Variants in FOXJ3 observed in about 807,000 individuals in gnomAD.
FOXJ3 encodes the protein forkhead box J3, also known as forkhead box protein J3.
Under a neutral mutation model 76.1 loss-of-function variants are expected in FOXJ3, and 22 were observed. That is an observed-to-expected ratio of 0.29 (90% CI 0.21 to 0.41). FOXJ3 has a LOEUF of 0.41. FOXJ3 is among the 10% of genes least tolerant of loss of function. The pLI is 1.00. For missense variants in FOXJ3, 613 were observed against 762.1 expected (o/e 0.80, Z 2.30); for synonymous variants, 269 against 261.2 (o/e 1.03, Z -0.29).
rs954087325 is a variant in FOXJ3, at chr1:42,176,735, CT to C, written c.*2974del. 6.5e-5 allele frequency: 10 copies of C among 152,738 alleles called. 1 individual carries two copies. Among genetic ancestry groups the C allele is most frequent in the African/African-American group, 2.4e-4 (10 of 41,550 alleles). The allele number at this position is 152,738 out of a possible 1,614,324, so 9.5% of individuals were successfully genotyped here. On this transcript the variant is annotated 3_prime_UTR_variant, in exon 13 of 13. Transcript: ENST00000361346. Reference sequence around the variant, plus strand: ...AACTGTAGAAACATTAAAACACTGACTGTCCAACAGCAGTACAGAGAGCAGG... The same window carrying C: ...AACTGTAGAAACATTAAAACACTGACGTCCAACAGCAGTACAGAGAGCAGG...
rs768511297 is a variant in FOXJ3 at position 42,182,004 on chromosome 1, T to C, written c.1666A>G (p.Arg556Gly). ...IGTGNLYIDS[R>G]QNLPPSVMPP... ...ATCACTGAAGGAGGGAGATTTTGCC[T>C]AGAATCTATGTACAAATTTCCTAAT... Residue 556 changes from arginine (R) to glycine (G), a missense_variant, in exon 12 of 13, where the codon AGG becomes GGG. Transcript: ENST00000361346. 7 of 1,610,996 alleles carry C rather than the reference T, an allele frequency of 4.3e-6. No homozygotes were observed. Among genetic ancestry groups the C allele is most frequent in the Non-Finnish European group, 5.9e-6 (7 of 1,177,720 alleles).
intron 1 of FOXJ3, among the ~76,000 whole-genome samples, chr1:42,321,309 T>C (rs1655413526): frequency 6.6e-6 from 1 of 152,136 alleles, no homozygotes; most frequent in South Asian, 2.1e-4. Flanking sequence ...CCTGAAGTGC[T>C]ACAATGAAAA....
intron 6 of FOXJ3, among the ~76,000 whole-genome samples, chr1:42,203,995 C>CG (rs377481241): frequency 2.4e-5 from 3 of 125,340 alleles, no homozygotes; most frequent in Non-Finnish European, 4.9e-5. Flanking sequence ...GATCCTGTCT[C>CG]AAAAAAAAAA....
intron 4 of FOXJ3, among the ~76,000 whole-genome samples, chr1:42,236,566 G>T (rs1227942552): frequency 1.3e-5 from 2 of 152,156 alleles, no homozygotes; most frequent in Non-Finnish European, 2.9e-5. Context: ...TTTTAAGTGT[G>T]CAATTTAAGA....
chr1:42,261,523 A>G (rs1651037671), intron 4 of FOXJ3, among the ~76,000 whole-genome samples: 1 of 152,180 alleles, frequency 6.6e-6, no homozygotes, highest in African/African-American at 2.4e-5. Flanking sequence ...CTTTTACGAC[A>G]CAATCTTCTT....
intron 4 of FOXJ3, among the ~76,000 whole-genome samples, chr1:42,243,685 T>A (rs1427124391): frequency 6.6e-6 from 1 of 152,166 alleles, no homozygotes; most frequent in Non-Finnish European, 1.5e-5. Context: ...AGTCATCATA[T>A]AATAATAAAG....
chr1:42,245,166 CAAA>C (rs4019583), intron 4 of FOXJ3, among the ~76,000 whole-genome samples: 86,688 of 121,932 alleles, frequency 0.71, 29,096 homozygotes, highest in Admixed American at 0.79. Context: ...AGACTCGTCT[CAAA>C]AAAAAAAAAA....
At position 42,178,441 on chromosome 1, in the gene FOXJ3, GA is replaced by G. The variant is rs1287617779; in HGVS notation, c.*1268del. 1 of 152,236 alleles carries G rather than the reference GA, an allele frequency of 6.6e-6. No individual in the cohort carries two copies. Among genetic ancestry groups the G allele is most frequent in the Non-Finnish European group, 1.5e-5 (1 of 68,040 alleles). 9.4% of individuals were successfully genotyped at this position (152,236 alleles called of 1,614,324 possible). On this transcript the variant is annotated 3_prime_UTR_variant, in exon 13 of 13. Coordinates refer to ENST00000361346, the MANE Select transcript of FOXJ3 (RefSeq NM_014947.5). ...ACATGGTAAAAGGAGTGATGATAGA[GA>G]ATGACACAATGTCTCTCTGAGTGTC...
chr1:42,282,083 G>C (rs1057476344), intron 2 of FOXJ3, among the ~76,000 whole-genome samples: 7 of 150,510 alleles, frequency 4.7e-5, no homozygotes, highest in Non-Finnish European at 7.4e-5. Flanking sequence ...AAAAAAAAAA[G>C]AAACAAACAA....
intron 5 of FOXJ3, among the ~76,000 whole-genome samples, chr1:42,219,490 T>C (rs1647136759): frequency 6.6e-6 from 1 of 152,056 alleles, no homozygotes; most frequent in Non-Finnish European, 1.5e-5. Context: ...CTCAGGGAGG[T>C]CTACTGTACC....
At chr1:42,228,255 TTCTC>T (rs1647744721) in intron 4 of FOXJ3, among the ~76,000 whole-genome samples, 1 of 152,150 alleles carries the variant, frequency 6.6e-6, no homozygotes. Flanking sequence ...TTTATAGTAA[TTCTC>T]AATTGAACAG....
Position 42,194,791 on chromosome 1 carries a change from A to C in FOXJ3, c.934+99T>G, listed in dbSNP as rs1646618770. The C allele has an allele frequency of 6.8e-6, 5 of 737,966 alleles. No homozygotes were observed. In the South Asian group the frequency reaches 8.2e-5, roughly 12 times the overall value. The allele number at this position is 737,966 out of a possible 1,614,324, so 45.7% of individuals were successfully genotyped here. A position where few individuals can be genotyped will look rare whatever the true frequency, so the allele number is the denominator to read the frequency against. On this transcript the variant is annotated intron_variant, in intron 8 of 12. Transcript: ENST00000361346. ...TTACCTGATTCTTATTGTGATGATA[A>C]TATTCTAAGATTAAGAGTATAACAG...
chr1:42,330,652 A>T (rs1656104454), intron 1 of FOXJ3, among the ~76,000 whole-genome samples: 1 of 152,074 alleles, frequency 6.6e-6, no homozygotes, highest in African/African-American at 2.4e-5. Context: ...AAAACAAACA[A>T]ACAAAAAAAA....
chr1:42,190,586 T>C (rs947222611), intron 9 of FOXJ3, among the ~76,000 whole-genome samples: 1 of 152,156 alleles, frequency 6.6e-6, no homozygotes, highest in Non-Finnish European at 1.5e-5. Flanking sequence ...ATGATTTAAG[T>C]CACTTAGGTA....
chr1:42,258,810 A>T (rs1260615521), intron 4 of FOXJ3, among the ~76,000 whole-genome samples: 1 of 152,188 alleles, frequency 6.6e-6, no homozygotes, highest in East Asian at 1.9e-4. Flanking sequence ...TCCTTTTAGA[A>T]ACTTTAAGTT....
chr1:42,235,277 C>A (rs753497253), intron 4 of FOXJ3, among the ~76,000 whole-genome samples: 1 of 152,140 alleles, frequency 6.6e-6, no homozygotes, highest in Non-Finnish European at 1.5e-5. Flanking sequence ...GTGGGAGTGA[C>A]CCAATTTTCC....
chr1:42,320,382 C>G (rs1655360702), intron 1 of FOXJ3, among the ~76,000 whole-genome samples: 1 of 152,186 alleles, frequency 6.6e-6, no homozygotes. Flanking sequence ...CATTAACTCA[C>G]TAGATAATCC....
intron 4 of FOXJ3, among the ~76,000 whole-genome samples, chr1:42,243,424 C>A (rs1570019299): frequency 1.3e-5 from 2 of 152,090 alleles, no homozygotes; most frequent in African/African-American, 4.8e-5. Context: ...CCATAACAAC[C>A]TTGAATGTAA....
chr1:42,313,397 T>C (rs1436602935), intron 1 of FOXJ3, among the ~76,000 whole-genome samples: 4 of 151,806 alleles, frequency 2.6e-5, no homozygotes, highest in African/African-American at 9.7e-5. Context: ...AGGATGGTTG[T>C]ATCCCCCACC....
Sources: gnomAD v4.1 joint callset for allele counts (sites outside exome capture counted in the v4.1 genomes callset) on GRCh38, gnomAD v4.1.1 for gene constraint, MANE v1.5 for transcripts, NCBI Gene and HGNC (gene_info 2026-07-23, HGNC 2026-07-21) for gene names.